INPP5J: variants seen among roughly 807,000 people sequenced by gnomAD.
INPP5J encodes the protein inositol polyphosphate-5-phosphatase J, also known as phosphatidylinositol 4,5-bisphosphate 5-phosphatase A.
Under a neutral mutation model 86.6 loss-of-function variants are expected in INPP5J, and 75 were observed. The ratio of observed to expected loss-of-function variants is 0.87; its 90% CI spans 0.72 to 1.05. INPP5J has a LOEUF of 1.05. INPP5J is among the 50% of genes least tolerant of loss of function. The probability of loss-of-function intolerance (pLI) is 0.00; values close to 1 mark genes in which losing one functional copy is unlikely to be tolerated. For synonymous variants in INPP5J, 540 were observed against 550.0 expected (o/e 0.98, Z 0.25); for missense variants, 1,229 against 1,341.2 (o/e 0.92, Z 1.31).
chr22:31,131,550 G>C (rs937054431), intron 9 of INPP5J, among the ~76,000 whole-genome samples: 2 of 150,368 alleles, frequency 1.3e-5, no homozygotes, highest in Non-Finnish European at 3.0e-5. Flanking sequence ...GCTACAGAGC[G>C]AGACTCTGTC....
chr22:31,127,215 TC>T (rs1286209514), intron 5 of INPP5J, 141 bp from the exon 6 acceptor site: 2 of 839,260 alleles, frequency 2.4e-6, no homozygotes, highest in African/African-American at 3.5e-5. Flanking sequence ...CCCTTTTCTC[TC>T]CCCACTGTGT....
rs748384480 is a variant in INPP5J, at chr22:31,133,400, C to A, written c.2332-6C>A. ...CAACACTGATTCCACAACACTGATC[C>A]CCCAGGTGGGTTTCCGCCATTGCAA... On this transcript the variant is annotated splice_polypyrimidine_tract_variant and splice_region_variant and intron_variant, in intron 10 of 12. Coordinates refer to ENST00000331075, the MANE Select transcript of INPP5J (RefSeq NM_001284285.2). The A allele has an allele frequency of 9.9e-6, 16 of 1,613,590 alleles. No homozygotes were observed. In the South Asian group the frequency reaches 1.8e-4, roughly 18 times the overall value.
intron 9 of INPP5J, among the ~76,000 whole-genome samples, chr22:31,131,139 G>C (rs1254943118): frequency 6.6e-6 from 1 of 152,180 alleles, no homozygotes; most frequent in African/African-American, 2.4e-5. Flanking sequence ...CCCCACGCTT[G>C]GCCTGCCATG....
intron 9 of INPP5J, 142 bp downstream of exon 9, chr22:31,128,796 C>A: frequency 1.3e-6 from 1 of 750,170 alleles, no homozygotes; most frequent in Non-Finnish European, 2.1e-6. Context: ...AATGGGGTTG[C>A]AATCTACATT....
intron 6 of INPP5J, 56 bp downstream of exon 6, chr22:31,127,588 T>C (rs1393518337): frequency 1.5e-5 from 23 of 1,527,572 alleles, no homozygotes; most frequent in Non-Finnish European, 2.0e-5. Context: ...ATGGGGGTTT[T>C]TGTACCACCT....
chr22:31,129,228 C>T (rs1602738139), intron 9 of INPP5J, among the ~76,000 whole-genome samples: 1 of 86,428 alleles, frequency 1.2e-5, no homozygotes, highest in East Asian at 5.4e-4. Flanking sequence ...CCGTGTCTGG[C>T]CAACTTTTTT....
rs1404285407 is a variant in INPP5J, at chr22:31,124,785, A to G, written c.106-60A>G. Reference sequence around the variant, plus strand: ...ATGAACTCTGCCAGGGTCTATATGGAAGTTGGGGCCCAATGCCCTGGTTAG... The same window carrying G: ...ATGAACTCTGCCAGGGTCTATATGGGAGTTGGGGCCCAATGCCCTGGTTAG... On this transcript the variant is annotated intron_variant, in intron 1 of 12. Coordinates refer to ENST00000331075, the MANE Select transcript of INPP5J (RefSeq NM_001284285.2). 2.1e-6 allele frequency: 3 copies of G among 1,448,926 alleles called. No individual in the cohort carries two copies. In the African/African-American group the frequency reaches 4.2e-5, roughly 20 times the overall value. The allele number at this position is 1,448,926 out of a possible 1,614,324, so 89.8% of individuals were successfully genotyped here. A position where few individuals can be genotyped will look rare whatever the true frequency, so the allele number is the denominator to read the frequency against.
Position 31,125,626 on chromosome 22 carries a change from T to G in INPP5J, c.887T>G (p.Val296Gly), listed in dbSNP as rs766979839. The G allele has an allele frequency of 1.3e-6, 2 of 1,550,408 alleles. No individual in the cohort carries two copies. Among genetic ancestry groups the G allele is most frequent in the South Asian group, 2.4e-5 (2 of 84,044 alleles). ...EALHSSPEDP[V>G]LPRPPQTLPL... is the part of the protein sequence containing the mutation. ...CTCCACAGCAGCCCTGAGGATCCTGTTTTGCCACGGCCACCCCAGACCTTG... is the reference window on the plus strand; with the variant it reads ...CTCCACAGCAGCCCTGAGGATCCTGGTTTGCCACGGCCACCCCAGACCTTG... The change falls in exon 2 of 13, where the codon GTT becomes GGT. Residue 296 changes from valine (V) to glycine (G), a missense_variant. Val to Gly is a moderately radical substitution (Grantham distance 109). Coordinates refer to ENST00000331075, the MANE Select transcript of INPP5J (RefSeq NM_001284285.2).
At chr22:31,123,581 A>T (rs900758384) in intron 1 of INPP5J, among the ~76,000 whole-genome samples, 3 of 152,084 alleles carry the variant, frequency 2.0e-5, no homozygotes, top group Non-Finnish European at 2.9e-5. Context: ...CACCTCAAAG[A>T]ACTGAGTTTG....
chr22:31,133,761 C>A, intron 12 of INPP5J, 47 bp downstream of exon 12: 1 of 1,570,786 alleles, frequency 6.4e-7, no homozygotes, highest in South Asian at 1.1e-5. Flanking sequence ...AGACTTTTGT[C>A]AAATGCCACA....
rs764097020 is a variant in INPP5J, at chr22:31,124,800, G to A, written c.106-45G>A. The stretch of plus-strand genomic sequence containing the variant: ...GTCTATATGGAAGTTGGGGCCCAAT[G>A]CCCTGGTTAGGGTCACTCTGAATCT... On this transcript the variant is annotated intron_variant, in intron 1 of 12. Transcript: ENST00000331075. 3.9e-6 allele frequency: 6 copies of A among 1,545,906 alleles called. No homozygotes were observed. The South Asian group carries it at 7.2e-5, about 18-fold the overall frequency.
rs1165459612 is a variant in INPP5J at position 31,126,854 on chromosome 22, C to T, written c.1495-67C>T. The T allele has an allele frequency of 5.5e-6, 8 of 1,446,042 alleles. No individual in the cohort carries two copies. In the Admixed American group the frequency reaches 6.9e-5, roughly 12 times the overall value. 89.6% of individuals were successfully genotyped at this position (1,446,042 alleles called of 1,614,324 possible). A position where few individuals can be genotyped will look rare whatever the true frequency, so the allele number is the denominator to read the frequency against. ...TGACATGGGTGGGTGGAGGAGCAGA[C>T]CTGAAGGTGGGCGCGAGGGCGGGGG... On this transcript the variant is annotated intron_variant, in intron 4 of 12. Transcript: ENST00000331075.
chr22:31,122,721 C>A (rs527919620), upstream of INPP5J: 625 of 374,000 alleles, frequency 1.7e-3, 4 homozygotes, highest in Non-Finnish European at 3.5e-4. Flanking sequence ...ACCAGGCCTA[C>A]GGCAGAAAGG....
In INPP5J at chr22:31,125,413, C is replaced by A. The variant is rs1921278854; in HGVS notation, c.674C>A (p.Ser225Ter). ...GCCCTGGCTCCAGCATCCACGGCAT[C>A]AGGCGCAGCCTCTGTGGGACAGACA... is the stretch of plus-strand genomic sequence containing the variant. ...EQALAPASTA[S>*]GAASVGQTSA... Residue 225 changes from serine to a stop codon, truncating the protein, a stop_gained, in exon 2 of 13, where the codon TCA (serine) becomes TAA (stop). Coordinates refer to ENST00000331075, the MANE Select transcript of INPP5J (RefSeq NM_001284285.2). LOFTEE classifies it high-confidence loss of function. The A allele has an allele frequency of 1.3e-6, 2 of 1,550,518 alleles. No individual in the cohort carries two copies. The highest frequency in any genetic ancestry group is 1.7e-6 in the Non-Finnish European group (2 of 1,146,986).
At chr22:31,131,725 C>A (rs1412596104) in intron 9 of INPP5J, among the ~76,000 whole-genome samples, 1 of 152,152 alleles carries the variant, frequency 6.6e-6, no homozygotes, top group Non-Finnish European at 1.5e-5. Flanking sequence ...GAACTTAAGT[C>A]TCTTAGCCAA....
intron 4 of INPP5J, 30 bp downstream of exon 4, chr22:31,126,751 A>G (rs770242857): frequency 1.3e-5 from 20 of 1,576,682 alleles, no homozygotes; most frequent in Non-Finnish European, 1.7e-5. Flanking sequence ...CTGGACAGCC[A>G]GAGACCCTGC....
Position 31,134,359 on chromosome 22 carries a change from C to A in INPP5J, c.2961C>A (p.Asn987Lys), listed in dbSNP as rs1260672330. The change falls in exon 13 of 13, where the codon AAC (asparagine) becomes AAA (lysine). Residue 987 changes from asparagine to lysine, a missense_variant. Asn to Lys is a moderately conservative substitution (Grantham distance 94, BLOSUM62 0). Coordinates refer to ENST00000331075, the MANE Select transcript of INPP5J (RefSeq NM_001284285.2). ...WGPDREALAP[N>K]SLSPSPQGHR... ...CTGATCGGGAGGCCCTGGCGCCCAA[C>A]AGCCTGTCTCCTAGTCCCCAGGGCC... 2.6e-6 allele frequency: 4 copies of A among 1,528,862 alleles called. No individual in the cohort carries two copies. Among genetic ancestry groups the A allele is most frequent in the African/African-American group, 1.4e-5 (1 of 72,818 alleles). 94.7% of individuals were successfully genotyped at this position (1,528,862 alleles called of 1,614,324 possible).
Position 31,127,528 on chromosome 22 carries a change from C to A in INPP5J, c.1783C>A (p.His595Asn), listed in dbSNP as rs1430175235. 5.6e-6 allele frequency: 9 copies of A among 1,612,018 alleles called. No homozygotes were observed. The highest frequency in any genetic ancestry group is 1.3e-5 in the African/African-American group (1 of 74,902). The change falls in exon 6 of 13, where the codon CAT (histidine) becomes AAT (asparagine). Residue 595 changes from histidine to asparagine, a missense_variant. By Grantham distance (68) the His-to-Asn change is moderately conservative. Coordinates refer to ENST00000331075, the MANE Select transcript of INPP5J (RefSeq NM_001284285.2). ...QGPGAQGILD[H>N]DLVFWFGDLN... The stretch of plus-strand genomic sequence containing the variant: ...GCCGGGCGCACAGGGCATCCTGGAT[C>A]ATGAGTATGGGCTGGGGTGGGGCCA...
rs1569290624 is a variant in INPP5J at position 31,133,474 on chromosome 22, T to C, written c.2400T>C (p.Asn800=). The change falls in exon 11 of 13, where the codon AAT becomes AAC. Residue 800 remains asparagine (N), a synonymous_variant. Coordinates refer to ENST00000331075, the MANE Select transcript of INPP5J (RefSeq NM_001284285.2). ...CCAAACATGAAGATGTGGATGGGAA[T>C]ACCTACCAGGTACTTAAAAGGAGTG... ...VWAKHEDVDG[N]TYQVTFSEES... 3.1e-6 allele frequency: 5 copies of C among 1,613,734 alleles called. No homozygotes were observed. Among genetic ancestry groups the C allele is most frequent in the Non-Finnish European group, 4.2e-6 (5 of 1,179,704 alleles).
Sources: allele counts gnomAD v4.1 joint callset (sites outside exome capture counted in the v4.1 genomes callset), GRCh38; gene constraint gnomAD v4.1.1; transcripts MANE v1.5; gene names NCBI Gene and HGNC (gene_info 2026-07-23, HGNC 2026-07-21).